Variants in DACH2 observed in about 807,000 individuals in gnomAD.
DACH2 encodes the protein dachshund homolog 2.
DACH2 carries 17 observed loss-of-function variants against 35.8 expected under a neutral mutation model. That is an observed-to-expected ratio of 0.48 (90% CI 0.33 to 0.71). The LOEUF (loss-of-function observed/expected upper bound fraction) is 0.71, where lower values mean the gene tolerates loss of function less well. Ranked by LOEUF, DACH2 falls within the 30% of genes least tolerant of loss-of-function variation. The probability of loss-of-function intolerance (pLI) is 0.02; values close to 1 mark genes in which losing one functional copy is unlikely to be tolerated. For synonymous variants in DACH2, 195 were observed against 177.3 expected (o/e 1.10, Z -0.79); for missense variants, 469 against 472.7 (o/e 0.99, Z 0.07).
chrX:86,695,264 A>C, intron 5 of DACH2, 85 bp downstream of exon 5: 1 of 796,543 alleles, frequency 1.3e-6, no homozygotes, highest in Non-Finnish European at 1.6e-6. Flanking sequence ...GGCAGGGCTT[A>C]GTCTATTTTT....
At chrX:86,201,503 G>A (rs1463404695) in intron 1 of DACH2, among the ~76,000 whole-genome samples, 1 of 111,345 alleles carries the variant, frequency 9.0e-6, no homozygotes, top group Non-Finnish European at 1.9e-5. Flanking sequence ...TTTCTCAGTT[G>A]TGGTTGTTGT....
chrX:86,805,402 C>T (rs2042334505), intron 7 of DACH2, among the ~76,000 whole-genome samples: 2 of 112,752 alleles, frequency 1.8e-5, no homozygotes, highest in Admixed American at 9.3e-5. Context: ...CATGTTTTCC[C>T]TCCTAGGCCT....
intron 2 of DACH2, among the ~76,000 whole-genome samples, chrX:86,411,229 G>A (rs1271372724): frequency 9.4e-6 from 1 of 105,870 alleles, no homozygotes; most frequent in Non-Finnish European, 1.9e-5. Flanking sequence ...GGGAGGCTAG[G>A]CCAATCTCTT....
intron 6 of DACH2, among the ~76,000 whole-genome samples, chrX:86,731,125 A>G (rs1325972645): frequency 3.6e-5 from 4 of 111,254 alleles, no homozygotes; most frequent in African/African-American, 6.5e-5. Flanking sequence ...TCTATAATGG[A>G]CTTATATATT....
At chrX:86,438,962 G>A (rs1602519557) in intron 2 of DACH2, among the ~76,000 whole-genome samples, 1 of 112,037 alleles carries the variant, frequency 8.9e-6, no homozygotes, top group Non-Finnish European at 1.9e-5. Flanking sequence ...TGTTTTAGAA[G>A]TCTCCATAAT....
At chrX:86,422,709 A>G (rs939992415) in intron 2 of DACH2, among the ~76,000 whole-genome samples, 5 of 111,077 alleles carry the variant, frequency 4.5e-5, no homozygotes, top group African/African-American at 1.6e-4. Flanking sequence ...AAAATGTACA[A>G]TAAGTTATGA....
chrX:86,396,042 A>G (rs2036283359), intron 2 of DACH2, among the ~76,000 whole-genome samples: 1 of 111,406 alleles, frequency 9.0e-6, no homozygotes, highest in Non-Finnish European at 1.9e-5. Context: ...CATCCTCTCC[A>G]GCACCTGTTG....
chrX:86,736,188 C>T (rs765223732), intron 6 of DACH2, among the ~76,000 whole-genome samples: 34 of 111,089 alleles, frequency 3.1e-4, no homozygotes, highest in Non-Finnish European at 6.1e-4. Flanking sequence ...AATTCTTAAT[C>T]AATGTACGAC....
intron 7 of DACH2, among the ~76,000 whole-genome samples, chrX:86,744,912 C>G (rs1183015236): frequency 9.0e-6 from 1 of 111,327 alleles, no homozygotes; most frequent in Non-Finnish European, 1.9e-5. Flanking sequence ...ATTCACTCTA[C>G]TTTACCTGTG....
At chrX:86,250,796 C>T (rs1370915003) in intron 1 of DACH2, among the ~76,000 whole-genome samples, 1 of 111,226 alleles carries the variant, frequency 9.0e-6, no homozygotes, top group East Asian at 2.8e-4. Flanking sequence ...AGTAATTTAA[C>T]ACCAGATAAA....
chrX:86,244,003 T>C (rs1402026400), intron 1 of DACH2, among the ~76,000 whole-genome samples: 1 of 112,127 alleles, frequency 8.9e-6, no homozygotes, highest in Non-Finnish European at 1.9e-5. Context: ...TATTTTCTTA[T>C]ATATCAATAT....
intron 2 of DACH2, among the ~76,000 whole-genome samples, chrX:86,507,596 T>C (rs772206021): frequency 9.0e-6 from 1 of 110,964 alleles, no homozygotes; most frequent in East Asian, 2.8e-4. Flanking sequence ...TGTGGTCAAA[T>C]ACTACGGTTA....
At chrX:86,300,423 C>T (rs963305934) in intron 1 of DACH2, among the ~76,000 whole-genome samples, 1 of 109,487 alleles carries the variant, frequency 9.1e-6, no homozygotes, top group African/African-American at 3.3e-5. Flanking sequence ...CTTAATTTAT[C>T]GCAAGGACAA....
At chrX:86,606,698 T>C (rs1407179406) in intron 3 of DACH2, among the ~76,000 whole-genome samples, 1 of 111,675 alleles carries the variant, frequency 9.0e-6, no homozygotes, top group Non-Finnish European at 1.9e-5. Context: ...TCTATAAGTA[T>C]AGATTAGATC....
intron 1 of DACH2, chrX:86,304,369 A>C (rs1406459176): frequency 8.9e-6 from 1 of 112,139 alleles, no homozygotes; most frequent in Non-Finnish European, 1.9e-5. Context: ...CAGTGATGGC[A>C]GTAAAGGAAT....
chrX:86,705,658 A>G (rs1257309086), intron 5 of DACH2, among the ~76,000 whole-genome samples: 1 of 111,633 alleles, frequency 9.0e-6, no homozygotes, highest in African/African-American at 3.3e-5. Context: ...GTAATTTAGT[A>G]CAGCCTCTAT....
intron 3 of DACH2, among the ~76,000 whole-genome samples, chrX:86,593,108 A>G (rs1402457022): frequency 9.0e-6 from 1 of 111,243 alleles, no homozygotes; most frequent in Non-Finnish European, 1.9e-5. Flanking sequence ...GCAGAGAAAC[A>G]TTTAGTTTCT....
At chrX:86,725,044 A>ATG (rs1381962576) in intron 6 of DACH2, among the ~76,000 whole-genome samples, 107 of 106,485 alleles carry the variant, frequency 1.0e-3, no homozygotes, top group East Asian at 4.8e-3. Flanking sequence ...AAAAAAAAAC[A>ATG]ATATCTGTCT....
At chrX:86,149,383 C>A (rs2030281151) in intron 1 of DACH2, among the ~76,000 whole-genome samples, 1 of 112,310 alleles carries the variant, frequency 8.9e-6, no homozygotes, top group South Asian at 3.7e-4. Context: ...TTGCCCATAT[C>A]TTGCATGGCT....
Sources: gnomAD v4.1 joint callset for allele counts (sites outside exome capture counted in the v4.1 genomes callset) on GRCh38, gnomAD v4.1.1 for gene constraint, MANE v1.5 for transcripts, NCBI Gene and HGNC (gene_info 2026-07-23, HGNC 2026-07-21) for gene names.